UNC5D: variants seen among roughly 807,000 people sequenced by gnomAD.
The protein encoded by UNC5D is unc-5 netrin receptor D.
A neutral mutation model predicts 105.4 loss-of-function variants in UNC5D; 39 were observed. That is an observed-to-expected ratio of 0.37 (90% CI 0.29 to 0.48). The LOEUF is 0.48. UNC5D is among the 20% of genes least tolerant of loss of function. The pLI is 0.98. For missense variants in UNC5D, 991 were observed against 1,202.4 expected, an observed-to-expected ratio of 0.82 and a Z score of 2.60; for synonymous variants, 452 against 450.4, an observed-to-expected ratio of 1.00 and a Z score of -0.04.
intron 1 of UNC5D, among the ~76,000 whole-genome samples, chr8:35,355,075 C>A (rs1801474070): frequency 6.6e-6 from 1 of 152,060 alleles, no homozygotes; most frequent in Non-Finnish European, 1.5e-5. Context: ...GCATGCAGTC[C>A]CTTTCTCCAT....
intron 4 of UNC5D, among the ~76,000 whole-genome samples, chr8:35,605,721 C>G (rs534365274): frequency 1.4e-4 from 21 of 152,294 alleles, no homozygotes; most frequent in Non-Finnish European, 2.2e-4. Flanking sequence ...TTTATTAACT[C>G]AATCACTAGT....
At chr8:35,571,777 TAAAG>T (rs1023488478) in intron 3 of UNC5D, among the ~76,000 whole-genome samples, 41 of 152,350 alleles carry the variant, frequency 2.7e-4, no homozygotes, top group African/African-American at 9.9e-4. Context: ...TTTCTTCTTT[TAAAG>T]ATTGGTTTTT....
intron 1 of UNC5D, among the ~76,000 whole-genome samples, chr8:35,481,196 A>T (rs1018491389): frequency 1.3e-5 from 2 of 152,204 alleles, no homozygotes; most frequent in African/African-American, 4.8e-5. Flanking sequence ...ATTGACCTTT[A>T]ACATTGAATA....
At chr8:35,729,867 A>G (rs540351008) in intron 10 of UNC5D, among the ~76,000 whole-genome samples, 2 of 152,362 alleles carry the variant, frequency 1.3e-5, no homozygotes, top group South Asian at 4.1e-4. Context: ...AAAGATACTG[A>G]TAACTAGCAT....
intron 1 of UNC5D, among the ~76,000 whole-genome samples, chr8:35,384,145 G>A (rs529122857): frequency 1.3e-5 from 2 of 151,616 alleles, no homozygotes; most frequent in East Asian, 1.9e-4. Flanking sequence ...GTGTGAACCT[G>A]TGAGGCGGAG....
intron 1 of UNC5D, among the ~76,000 whole-genome samples, chr8:35,493,082 G>A (rs1024492280): frequency 6.6e-6 from 1 of 151,886 alleles, no homozygotes; most frequent in Non-Finnish European, 1.5e-5. Flanking sequence ...GCTTTGGGAG[G>A]AGAGAAAATG....
intron 1 of UNC5D, among the ~76,000 whole-genome samples, chr8:35,352,849 G>T (rs1260598996): frequency 1.3e-5 from 2 of 152,108 alleles, no homozygotes; most frequent in African/African-American, 4.8e-5. Flanking sequence ...CTGATATCAA[G>T]TGATCCACCC....
chr8:35,355,883 G>T (rs1257465629), intron 1 of UNC5D, among the ~76,000 whole-genome samples: 1 of 152,072 alleles, frequency 6.6e-6, no homozygotes, highest in Non-Finnish European at 1.5e-5. Flanking sequence ...GGCTTACAAG[G>T]TGTTGTCTTG....
intron 1 of UNC5D, among the ~76,000 whole-genome samples, chr8:35,498,065 A>T (rs1317167285): frequency 7.3e-6 from 1 of 136,446 alleles, no homozygotes; most frequent in Admixed American, 7.9e-5. Context: ...GCAAAACTCC[A>T]TCTCAAAACA....
At chr8:35,760,588 A>G (rs548934996) in intron 14 of UNC5D, among the ~76,000 whole-genome samples, 1 of 152,274 alleles carries the variant, frequency 6.6e-6, no homozygotes, top group African/African-American at 2.4e-5. Context: ...CTAGCCTACC[A>G]TAGTTTCTAA....
intron 1 of UNC5D, among the ~76,000 whole-genome samples, chr8:35,517,317 G>T (rs182611044): frequency 2.6e-5 from 4 of 152,230 alleles, no homozygotes; most frequent in Admixed American, 2.6e-4. Flanking sequence ...AACTAGAAAG[G>T]GTAGGAACCA....
Position 35,731,399 on chromosome 8 carries a change from CAAAAAAAAAAAAAAAAAAAA to C in UNC5D, c.1766+314_1766+333del, listed in dbSNP as rs57529561. Among the ~76,000 whole-genome samples the C allele has an allele frequency of 2.9e-4, 9 of 30,656 alleles. No individual in the cohort carries two copies. The East Asian group carries it at 4.6e-3, about 16-fold the overall frequency. The allele number at this position is 30,656 out of a possible 152,430, so 20.1% of individuals were successfully genotyped here. On this transcript the variant is annotated intron_variant, in intron 11 of 16. Transcript: ENST00000404895. ...CTGGGCAACAGTGAGACTCTGTCTC[CAAAAAAAAAAAAAAAAAAAA>C]AAAAAAAAAAGGGCATTTTAAATAT...
chr8:35,410,208 A>G (rs1805077600), intron 1 of UNC5D, among the ~76,000 whole-genome samples: 1 of 152,086 alleles, frequency 6.6e-6, no homozygotes, highest in South Asian at 2.1e-4. Flanking sequence ...CTTACTGGAT[A>G]AAGTAGCAGC....
chr8:35,340,771 A>G (rs1245917574), intron 1 of UNC5D, among the ~76,000 whole-genome samples: 1 of 152,182 alleles, frequency 6.6e-6, no homozygotes, highest in Non-Finnish European at 1.5e-5. Flanking sequence ...AGAAACAAGG[A>G]TATAAGGATT....
Position 35,235,797 on chromosome 8 carries a change from G to A in UNC5D, c.13G>A (p.Ala5Thr). ...CGCGGCGAGGAGCATGGGGAGAGCG[G>A]CGGCCACCGCAGGCGGCGGCGGAGG... Reference protein sequence around the residue: MGRAAATAGGGGGAR... With the variant: MGRATATAGGGGGAR... The change falls in exon 1 of 17, where the codon GCG (alanine) becomes ACG (threonine). Residue 5 changes from alanine (A) to threonine (T), a missense_variant. Around this residue, in one of 3 missense-constraint regions of UNC5D, gnomAD observed 944 missense variants for 1,131.6 expected, o/e 0.83. Coordinates refer to ENST00000404895, the MANE Select transcript of UNC5D (RefSeq NM_080872.4). 8.1e-7 allele frequency: 1 copy of A among 1,229,868 alleles called. No individual in the cohort carries two copies. Among genetic ancestry groups the A allele is most frequent in the Non-Finnish European group, 1.0e-6 (1 of 986,132 alleles). 76.2% of individuals were successfully genotyped at this position (1,229,868 alleles called of 1,614,324 possible).
chr8:35,292,306 T>A (rs981563469), intron 1 of UNC5D, among the ~76,000 whole-genome samples: 1 of 152,228 alleles, frequency 6.6e-6, no homozygotes, highest in Non-Finnish European at 1.5e-5. Flanking sequence ...ATTACCTTTA[T>A]CTATTATGTG....
At chr8:35,503,905 C>T (rs1454187155) in intron 1 of UNC5D, among the ~76,000 whole-genome samples, 1 of 152,184 alleles carries the variant, frequency 6.6e-6, no homozygotes, top group African/African-American at 2.4e-5. Context: ...GAGTGCCCGG[C>T]ACAGTGCTTA....
chr8:35,728,095 A>AAAAAAAAAAATATATAT (rs34672872), intron 10 of UNC5D, among the ~76,000 whole-genome samples: 48 of 110,316 alleles, frequency 4.4e-4, no homozygotes, highest in African/African-American at 2.5e-3. Context: ...AAAAAAAAAA[A>AAAAAAAAAAATATATAT]ATATATATAT....
chr8:35,659,627 G>A (rs1009347938), intron 4 of UNC5D, among the ~76,000 whole-genome samples: 10 of 152,138 alleles, frequency 6.6e-5, no homozygotes, highest in South Asian at 4.1e-4. Context: ...CATGCACACC[G>A]ACATGCATGC....
Sources: gnomAD v4.1 joint callset for allele counts (sites outside exome capture counted in the v4.1 genomes callset) on GRCh38, gnomAD v4.1.1 for gene constraint, gnomAD v4.1.1 regional missense constraint, MANE v1.5 for transcripts, NCBI Gene and HGNC (gene_info 2026-07-23, HGNC 2026-07-21) for gene names.